Variants in PRDM5 observed in about 807,000 individuals in gnomAD.
The protein encoded by PRDM5 is PR/SET domain 5, also known as PR domain zinc finger protein 5.
Under a neutral mutation model 81.2 loss-of-function variants are expected in PRDM5, and 56 were observed. The ratio of observed to expected loss-of-function variants is 0.69; its 90% confidence interval spans 0.56 to 0.86. PRDM5 has a LOEUF of 0.86. Among genes scored for constraint, PRDM5 ranks in the 40% least tolerant of loss-of-function variants. The pLI, the probability that PRDM5 is intolerant of heterozygous loss-of-function variation, is 0.00. For missense variants in PRDM5, 697 were observed against 770.1 expected, an observed-to-expected ratio of 0.91 and a Z score of 1.12; for synonymous variants, 267 against 256.4, an observed-to-expected ratio of 1.04 and a Z score of -0.39.
At chr4:120,906,412 T>C in intron 2 of PRDM5, among the ~76,000 whole-genome samples, 1 of 152,206 alleles carries the variant, frequency 6.6e-6, no homozygotes. Context: ...GGCTATACCA[T>C]CTAGGCTTGT....
chr4:120,792,313 A>T (rs910044554), intron 10 of PRDM5, among the ~76,000 whole-genome samples: 1 of 152,204 alleles, frequency 6.6e-6, no homozygotes, highest in Non-Finnish European at 1.5e-5. Context: ...GCGGAGACTG[A>T]AACCATGACA....
intron 15 of PRDM5, among the ~76,000 whole-genome samples, chr4:120,696,671 T>C (rs182683843): frequency 6.6e-6 from 1 of 152,268 alleles, no homozygotes; most frequent in East Asian, 1.9e-4. Flanking sequence ...ATAAGGGCTA[T>C]ACTGCAGACA....
intron 10 of PRDM5, among the ~76,000 whole-genome samples, chr4:120,794,249 G>A (rs2149271889): frequency 6.6e-6 from 1 of 152,210 alleles, no homozygotes; most frequent in East Asian, 1.9e-4. Flanking sequence ...AAAAGCTAAA[G>A]GAAAGAGTGG....
intron 3 of PRDM5, among the ~76,000 whole-genome samples, chr4:120,821,712 A>T (rs1256870801): frequency 6.6e-6 from 1 of 151,500 alleles, no homozygotes; most frequent in Non-Finnish European, 1.5e-5. Context: ...GATATCAATG[A>T]TTTCGTTATT....
chr4:120,735,600 T>A (rs898630506), intron 14 of PRDM5, among the ~76,000 whole-genome samples: 2 of 152,136 alleles, frequency 1.3e-5, no homozygotes, highest in Non-Finnish European at 2.9e-5. Context: ...GGATGGGAGA[T>A]ACAGTCTTTT....
chr4:120,852,730 T>C (rs1578991285), intron 3 of PRDM5, among the ~76,000 whole-genome samples: 1 of 150,792 alleles, frequency 6.6e-6, no homozygotes, highest in East Asian at 1.9e-4. Context: ...CAAATACATA[T>C]ATACACACAA....
intron 1 of PRDM5, among the ~76,000 whole-genome samples, chr4:120,909,217 T>G (rs533631774): frequency 1.3e-5 from 2 of 152,132 alleles, no homozygotes; most frequent in South Asian, 4.2e-4. Context: ...TCAGGCAACA[T>G]CCACTTCACC....
rs373819419 is a variant in PRDM5, at chr4:120,917,653, C to T, written c.93+4863G>A. 5.6e-5 allele frequency among the ~76,000 whole-genome samples: 8 copies of T among 141,752 alleles called. No homozygotes were observed. The East Asian group carries it at 6.3e-4, about 11-fold the overall frequency. The allele number at this position is 141,752 out of a possible 152,430, so 93.0% of individuals were successfully genotyped here. On this transcript the variant is annotated intron_variant, in intron 1 of 15. Transcript: ENST00000264808. ...TGAATAAATAAAAATTATGGCACAT[C>T]CACAGCATAGACTATAGTCAGACAT...
chr4:120,858,840 C>G lies in PRDM5; in HGVS notation c.178-5300G>C, dbSNP rs545459816. ...AGAAAAATAAAGTCACTTTTTGTGA[C>G]AAATATTTAAATTTCAAGTGGAAGA... is the stretch of plus-strand genomic sequence containing the variant. On this transcript the variant is annotated intron_variant, in intron 2 of 15. Coordinates refer to ENST00000264808, the MANE Select transcript of PRDM5 (RefSeq NM_018699.4). Among the ~76,000 whole-genome samples, 22 of 152,146 alleles carry G rather than the reference C, an allele frequency of 1.4e-4. No individual in the cohort carries two copies. The South Asian group carries it at 4.6e-3, about 32-fold the overall frequency.
intron 14 of PRDM5, among the ~76,000 whole-genome samples, chr4:120,732,658 T>C (rs897821093): frequency 3.2e-4 from 48 of 152,226 alleles, no homozygotes; most frequent in African/African-American, 1.0e-3. Context: ...AATAAAAAAC[T>C]ATAAAAACTA....
At chr4:120,797,894 G>C (rs914680307) in intron 10 of PRDM5, among the ~76,000 whole-genome samples, 33 of 152,036 alleles carry the variant, frequency 2.2e-4, no homozygotes, top group African/African-American at 7.3e-4. Context: ...CAGAGAAATT[G>C]GCAGAAGACC....
rs1381107601 is a variant in PRDM5, at chr4:120,693,140, G to A, written c.*1971C>T. ...CTGTCTGTTTACTCCACAGCATAGC[G>A]ACACCACAGTTTTCAGGGTAATTTC... On this transcript the variant is annotated 3_prime_UTR_variant, in exon 16 of 16. Coordinates refer to ENST00000264808, the MANE Select transcript of PRDM5 (RefSeq NM_018699.4). 1 of 152,050 alleles carries A rather than the reference G, an allele frequency of 6.6e-6. No homozygotes were observed. The highest frequency in any genetic ancestry group is 1.9e-4 in the East Asian group (1 of 5,170). The allele number at this position is 152,050 out of a possible 1,614,324, so 9.4% of individuals were successfully genotyped here.
chr4:120,813,391 C>T (rs1343283007), intron 7 of PRDM5, among the ~76,000 whole-genome samples: 1 of 152,172 alleles, frequency 6.6e-6, no homozygotes, highest in African/African-American at 2.4e-5. Context: ...CCTGCCTCAA[C>T]CTCAATCCCA....
chr4:120,907,595 A>C (rs1765981678), intron 1 of PRDM5, 38 bp from the exon 2 acceptor site: 1 of 1,509,962 alleles, frequency 6.6e-7, no homozygotes, highest in African/African-American at 1.4e-5. Context: ...GGATTAGTAC[A>C]ATAAATCAAC....
intron 14 of PRDM5, among the ~76,000 whole-genome samples, chr4:120,739,083 C>A (rs1163751348): frequency 6.6e-6 from 1 of 152,146 alleles, no homozygotes; most frequent in African/African-American, 2.4e-5. Context: ...GCTGGCAGTA[C>A]ACGTTAGCTA....
intron 2 of PRDM5, among the ~76,000 whole-genome samples, chr4:120,899,472 C>T (rs568240011): frequency 1.3e-5 from 2 of 152,158 alleles, no homozygotes; most frequent in Non-Finnish European, 2.9e-5. Flanking sequence ...GGCATGAAGG[C>T]CTGGGCTCCT....
intron 2 of PRDM5, among the ~76,000 whole-genome samples, chr4:120,877,252 C>A (rs887618277): frequency 2.0e-5 from 3 of 152,176 alleles, no homozygotes; most frequent in Non-Finnish European, 4.4e-5. Flanking sequence ...ACACAAGTGA[C>A]CTTTAGAGTA....
rs147089779 is a variant in PRDM5, at chr4:120,785,233, C to T, written c.1189-142G>A. The T allele has an allele frequency of 1.5e-4, 102 of 668,644 alleles. No homozygotes were observed. In the African/African-American group the frequency reaches 1.5e-3, roughly 10 times the overall value. The allele number at this position is 668,644 out of a possible 1,614,324, so 41.4% of individuals were successfully genotyped here. On this transcript the variant is annotated intron_variant, in intron 10 of 15. Coordinates refer to ENST00000264808, the MANE Select transcript of PRDM5 (RefSeq NM_018699.4). ...GTTTCTTCTAGTGCCATTCTTCCACCGTAAAATTGTAAAGACAAATGTGCT... is the reference window on the plus strand; with the variant it reads ...GTTTCTTCTAGTGCCATTCTTCCACTGTAAAATTGTAAAGACAAATGTGCT...
At chr4:120,788,819 T>A (rs1192601584) in intron 10 of PRDM5, among the ~76,000 whole-genome samples, 1 of 152,242 alleles carries the variant, frequency 6.6e-6, no homozygotes, top group Non-Finnish European at 1.5e-5. Flanking sequence ...TCAAGAAGGA[T>A]GCCAATGTCA....
Sources: allele counts gnomAD v4.1 joint callset (sites outside exome capture counted in the v4.1 genomes callset), GRCh38; gene constraint gnomAD v4.1.1; transcripts MANE v1.5; gene names NCBI Gene and HGNC (gene_info 2026-07-23, HGNC 2026-07-21).